Variants in LRRTM4 observed in about 807,000 individuals in gnomAD.
LRRTM4 encodes the protein leucine-rich repeat transmembrane neuronal protein 4.
A neutral mutation model predicts 47.6 loss-of-function variants in LRRTM4; 25 were observed. The ratio of observed to expected loss-of-function variants is 0.53; its 90% CI spans 0.38 to 0.73. LRRTM4 has a LOEUF of 0.73. LRRTM4 is among the 30% of genes least tolerant of loss of function. The probability of loss-of-function intolerance (pLI) is 0.00; values close to 1 mark genes in which losing one functional copy is unlikely to be tolerated. For missense variants in LRRTM4, 638 were observed against 713.4 expected, an observed-to-expected ratio of 0.89 and a Z score of 1.20; for synonymous variants, 311 against 269.5, an observed-to-expected ratio of 1.15 and a Z score of -1.51.
chr2:77,442,960 T>A (rs1675905421), intron 3 of LRRTM4, among the ~76,000 whole-genome samples: 1 of 152,142 alleles, frequency 6.6e-6, no homozygotes, highest in South Asian at 2.1e-4. Flanking sequence ...CATCATTTTG[T>A]AGGTGCCTGA....
At chr2:76,926,328 T>G (rs932819914) in intron 3 of LRRTM4, among the ~76,000 whole-genome samples, 2 of 152,110 alleles carry the variant, frequency 1.3e-5, no homozygotes, top group African/African-American at 4.8e-5. Flanking sequence ...AATACACCAC[T>G]GCCAATCAAC....
rs187062183 is a variant in LRRTM4, at chr2:76,897,533, A to T, written c.1552-148617T>A. On this transcript the variant is annotated intron_variant, in intron 3 of 3. Coordinates refer to ENST00000409884, the MANE Select transcript of LRRTM4 (RefSeq NM_001134745.3). Reference sequence around the variant, plus strand: ...TTTTATTAATCTCTGGTAAACAGGCATAATATTAGATGTGATGAAGGAAAA... The same window carrying T: ...TTTTATTAATCTCTGGTAAACAGGCTTAATATTAGATGTGATGAAGGAAAA... 7.4e-4 allele frequency among the ~76,000 whole-genome samples: 113 copies of T among 152,282 alleles called. 1 individual carries two copies. In the East Asian group the frequency reaches 0.016, roughly 22 times the overall value.
intron 3 of LRRTM4, among the ~76,000 whole-genome samples, chr2:76,964,680 T>TA (rs1172250930): frequency 1.3e-5 from 2 of 149,246 alleles, no homozygotes; most frequent in Non-Finnish European, 3.0e-5. Context: ...TTTAGGAAAT[T>TA]AAAAAAATAA....
At chr2:76,886,994 AG>A (rs1241533150) in intron 3 of LRRTM4, among the ~76,000 whole-genome samples, 4 of 151,944 alleles carry the variant, frequency 2.6e-5, no homozygotes, top group African/African-American at 9.6e-5. Flanking sequence ...TTAAATGTGT[AG>A]CCCACAATGT....
intron 3 of LRRTM4, among the ~76,000 whole-genome samples, chr2:77,140,499 T>G (rs1347150784): frequency 6.6e-6 from 1 of 152,176 alleles, no homozygotes; most frequent in Non-Finnish European, 1.5e-5. Context: ...GACTTACATG[T>G]TACACCTAAA....
intron 3 of LRRTM4, among the ~76,000 whole-genome samples, chr2:77,343,233 G>A (rs1396056178): frequency 6.6e-6 from 1 of 151,848 alleles, no homozygotes; most frequent in Non-Finnish European, 1.5e-5. Flanking sequence ...CGTAGAAAAT[G>A]GAAAGCTCTC....
At chr2:77,484,781 A>G (rs1345814985) in intron 3 of LRRTM4, among the ~76,000 whole-genome samples, 1 of 152,104 alleles carries the variant, frequency 6.6e-6, no homozygotes, top group Non-Finnish European at 1.5e-5. Context: ...TTTCTTTTGT[A>G]ATGGTAAATT....
At chr2:76,886,037 T>C (rs1314713468) in intron 3 of LRRTM4, among the ~76,000 whole-genome samples, 1 of 152,162 alleles carries the variant, frequency 6.6e-6, no homozygotes. Flanking sequence ...ATTTAAAGAA[T>C]TGCTCAACAT....
intron 3 of LRRTM4, among the ~76,000 whole-genome samples, chr2:76,786,618 A>G (rs1377962962): frequency 6.6e-6 from 1 of 152,114 alleles, no homozygotes; most frequent in East Asian, 1.9e-4. Flanking sequence ...CTAAGAGCAG[A>G]GAGGTAATTT....
chr2:77,394,561 C>T (rs1345513566), intron 3 of LRRTM4, among the ~76,000 whole-genome samples: 4 of 151,920 alleles, frequency 2.6e-5, no homozygotes, highest in Non-Finnish European at 4.4e-5. Flanking sequence ...GAAGCAGGCA[C>T]TTCAAGCGAT....
chr2:77,089,045 A>T (rs1270417565), intron 3 of LRRTM4, among the ~76,000 whole-genome samples: 1 of 152,088 alleles, frequency 6.6e-6, no homozygotes, highest in Non-Finnish European at 1.5e-5. Flanking sequence ...TAATCACTGC[A>T]GGGACACCTC....
At chr2:77,111,556 A>T (rs1047957638) in intron 3 of LRRTM4, among the ~76,000 whole-genome samples, 1 of 152,112 alleles carries the variant, frequency 6.6e-6, no homozygotes, top group Admixed American at 6.6e-5. Context: ...CACTGTTATG[A>T]GTAGGGTGAC....
chr2:77,468,120 G>C (rs982268072), intron 3 of LRRTM4, among the ~76,000 whole-genome samples: 1 of 151,912 alleles, frequency 6.6e-6, no homozygotes, highest in Admixed American at 6.6e-5. Flanking sequence ...ACGATGATGT[G>C]GTATTTGTTT....
intron 3 of LRRTM4, among the ~76,000 whole-genome samples, chr2:77,420,349 T>A (rs1573389438): frequency 6.6e-6 from 1 of 152,314 alleles, no homozygotes; most frequent in East Asian, 1.9e-4. Flanking sequence ...ATCACTTTTG[T>A]CAAATTATAT....
chr2:77,166,817 A>G (rs1672899694), intron 3 of LRRTM4, among the ~76,000 whole-genome samples: 1 of 152,228 alleles, frequency 6.6e-6, no homozygotes, highest in South Asian at 2.1e-4. Flanking sequence ...AAGATGGATT[A>G]AAGACTTAAA....
chr2:76,895,996 A>G (rs1403763416), intron 3 of LRRTM4, among the ~76,000 whole-genome samples: 1 of 152,104 alleles, frequency 6.6e-6, no homozygotes, highest in Non-Finnish European at 1.5e-5. Context: ...TTTGTGTGCT[A>G]CTGTGTGTAT....
At chr2:77,292,860 A>AAAAAT (rs1215153301) in intron 3 of LRRTM4, among the ~76,000 whole-genome samples, 3 of 149,798 alleles carry the variant, frequency 2.0e-5, no homozygotes, top group Non-Finnish European at 2.9e-5. Context: ...TAATAAAATT[A>AAAAAT]AAAATAAAAT....
rs138169134 is a variant in LRRTM4, at chr2:77,472,172, A to G, written c.1551+46146T>C. ...GTTATTTGAAATGGCCCCTAAGTGT[A>G]GTGCTGAAGTGTGGTCTAGTGTTGC... is the stretch of plus-strand genomic sequence containing the variant. On this transcript the variant is annotated intron_variant, in intron 3 of 3. Coordinates refer to ENST00000409884, the MANE Select transcript of LRRTM4 (RefSeq NM_001134745.3). Among the ~76,000 whole-genome samples the G allele has an allele frequency of 2.2e-3, 332 of 152,220 alleles. 2 individuals carry two copies. The highest frequency in any genetic ancestry group is 7.7e-3 in the African/African-American group (319 of 41,546).
intron 3 of LRRTM4, among the ~76,000 whole-genome samples, chr2:77,137,727 C>T (rs1671990032): frequency 6.6e-6 from 1 of 152,082 alleles, no homozygotes; most frequent in African/African-American, 2.4e-5. Context: ...ATTCAGGAGA[C>T]CCATGTCACA....
Sources: allele counts gnomAD v4.1 joint callset (sites outside exome capture counted in the v4.1 genomes callset), GRCh38; gene constraint gnomAD v4.1.1; transcripts MANE v1.5; gene names NCBI Gene and HGNC (gene_info 2026-07-23, HGNC 2026-07-21).